Variants in GK5 observed in about 807,000 individuals in gnomAD.
GK5 encodes the protein glycerol kinase 5.
In GK5, 39 loss-of-function variants were observed where a neutral mutation model predicts 77.3. That is an observed-to-expected ratio of 0.50 (90% confidence interval 0.39 to 0.66). The LOEUF (loss-of-function observed/expected upper bound fraction) is 0.66, where lower values mean the gene tolerates loss of function less well. Ranked by LOEUF, GK5 falls within the 30% of genes least tolerant of loss-of-function variation. GK5 has a pLI of 0.00. For missense variants in GK5, 487 were observed against 633.8 expected (o/e 0.77, Z 2.49); for synonymous variants, 211 against 208.0 (o/e 1.01, Z -0.13).
rs1292836253 is a variant in GK5, at chr3:142,163,046, T to C, written c.*2576A>G. On this transcript the variant is annotated 3_prime_UTR_variant, in exon 16 of 16. Coordinates refer to ENST00000392993, the MANE Select transcript of GK5 (RefSeq NM_001039547.3). Reference sequence around the variant, plus strand: ...CAATTTTGTTGCTCAATTGATCTTATCAACTGTTTCTGCAACCACAAAAGC... The same window carrying C: ...CAATTTTGTTGCTCAATTGATCTTACCAACTGTTTCTGCAACCACAAAAGC... 1.3e-5 allele frequency: 2 copies of C among 151,110 alleles called. No homozygotes were observed. Among genetic ancestry groups the C allele is most frequent in the Admixed American group, 1.3e-4 (2 of 15,164 alleles). The allele number at this position is 151,110 out of a possible 1,614,324, so 9.4% of individuals were successfully genotyped here.
At chr3:142,197,182 G>A (rs914176714) in intron 5 of GK5, among the ~76,000 whole-genome samples, 3 of 151,362 alleles carry the variant, frequency 2.0e-5, no homozygotes, top group Admixed American at 6.6e-5. Context: ...GTGAGACTCC[G>A]TCTCAAAAAA....
In GK5 at chr3:142,181,581, A is replaced by G; in HGVS notation, c.944-16T>C. 6.6e-7 allele frequency: 1 copy of G among 1,517,298 alleles called. No individual in the cohort carries two copies. Among genetic ancestry groups the G allele is most frequent in the Non-Finnish European group, 9.1e-7 (1 of 1,095,498 alleles). 94.0% of individuals were successfully genotyped at this position (1,517,298 alleles called of 1,614,324 possible). ...GGATAAAAGCCTTGCAAAACAAACA[A>G]CGAATGTTAAGTCAAATATATGCAT... On this transcript the variant is annotated splice_polypyrimidine_tract_variant and intron_variant, in intron 10 of 15. Coordinates refer to ENST00000392993, the MANE Select transcript of GK5 (RefSeq NM_001039547.3).
intron 3 of GK5, among the ~76,000 whole-genome samples, chr3:142,210,670 T>C (rs568846544): frequency 5.9e-5 from 9 of 152,284 alleles, no homozygotes; most frequent in East Asian, 5.8e-4. Context: ...TCACAATGAA[T>C]TGCTTTAGGA....
chr3:142,211,840 G>A (rs1193890826), intron 3 of GK5, among the ~76,000 whole-genome samples: 2 of 152,120 alleles, frequency 1.3e-5, no homozygotes, highest in Non-Finnish European at 2.9e-5. Context: ...GATGTGCTAT[G>A]CCTCAGTCCA....
chr3:142,194,067 T>C (rs1478798878), intron 5 of GK5, among the ~76,000 whole-genome samples: 1 of 152,124 alleles, frequency 6.6e-6, no homozygotes, highest in East Asian at 1.9e-4. Context: ...TTTCACTTTC[T>C]AGTGTTCATT....
At chr3:142,208,558 T>G (rs1411640426) in intron 3 of GK5, among the ~76,000 whole-genome samples, 1 of 152,260 alleles carries the variant, frequency 6.6e-6, no homozygotes, top group East Asian at 1.9e-4. Flanking sequence ...ATTCTTGTTC[T>G]GCTGGCTGGT....
chr3:142,194,826 T>G (rs1333410173), intron 5 of GK5, among the ~76,000 whole-genome samples: 1 of 150,966 alleles, frequency 6.6e-6, no homozygotes, highest in Admixed American at 6.7e-5. Flanking sequence ...ATCATAGAGA[T>G]AGTTTTACTC....
intron 1 of GK5, among the ~76,000 whole-genome samples, chr3:142,221,781 T>G (rs1462174692): frequency 6.6e-6 from 1 of 152,136 alleles, no homozygotes; most frequent in African/African-American, 2.4e-5. Context: ...GTAGTTAATT[T>G]GTATATTTAA....
At chr3:142,177,443 A>T in intron 12 of GK5, 39 bp downstream of exon 12, 1 of 1,203,872 alleles carries the variant, frequency 8.3e-7, no homozygotes, top group Non-Finnish European at 1.2e-6. Flanking sequence ...AGGAGGAGAA[A>T]AATATTTGTG....
intron 9 of GK5, among the ~76,000 whole-genome samples, chr3:142,183,791 G>A (rs1010699112): frequency 2.6e-5 from 4 of 151,660 alleles, no homozygotes; most frequent in Admixed American, 2.6e-4. Flanking sequence ...TAGAGATGGG[G>A]TTTCACTCTA....
chr3:142,213,323 T>C (rs1312022598), intron 3 of GK5, among the ~76,000 whole-genome samples: 1 of 152,206 alleles, frequency 6.6e-6, no homozygotes, highest in Non-Finnish European at 1.5e-5. Context: ...AGTTAAGTCT[T>C]TTTGTGGTAT....
chr3:142,167,067 A>C (rs1350238923), intron 15 of GK5, among the ~76,000 whole-genome samples: 1 of 152,156 alleles, frequency 6.6e-6, no homozygotes, highest in Admixed American at 6.5e-5. Context: ...ATTTTAGACC[A>C]TCTATGTTTA....
chr3:142,187,174 T>C (rs186922963), intron 6 of GK5, among the ~76,000 whole-genome samples: 26 of 152,322 alleles, frequency 1.7e-4, no homozygotes, highest in Admixed American at 1.0e-3. Flanking sequence ...CAGTCTTATA[T>C]TGAAGTTTCA....
chr3:142,181,681 C>T, intron 10 of GK5, 116 bp from the exon 11 acceptor site: 1 of 654,836 alleles, frequency 1.5e-6, no homozygotes, highest in Non-Finnish European at 2.6e-6. Context: ...TGAAGTCAGA[C>T]TGTGGACGTT....
At chr3:142,170,254 T>G (rs2063519998) in intron 15 of GK5, 71 bp downstream of exon 15, 1 of 1,503,522 alleles carries the variant, frequency 6.7e-7, no homozygotes. Flanking sequence ...TTTTGTAATT[T>G]GAGAGGAGAA....
chr3:142,215,367 A>C (rs2064259081), intron 2 of GK5, among the ~76,000 whole-genome samples: 1 of 152,234 alleles, frequency 6.6e-6, no homozygotes, highest in Non-Finnish European at 1.5e-5. Context: ...GCGAGCATTT[A>C]TATTACAGTC....
chr3:142,167,871 G>A (rs887897110), intron 15 of GK5, among the ~76,000 whole-genome samples: 2 of 152,204 alleles, frequency 1.3e-5, no homozygotes, highest in African/African-American at 4.8e-5. Context: ...AATTAGCTGG[G>A]CATGGTGGCG....
chr3:142,204,024 T>C (rs777728198), intron 4 of GK5, among the ~76,000 whole-genome samples: 67 of 152,126 alleles, frequency 4.4e-4, no homozygotes, highest in Non-Finnish European at 5.9e-5. Context: ...CATAATTTGG[T>C]ATTGTTGGCT....
chr3:142,206,246 T>A (rs1483003887), intron 3 of GK5, among the ~76,000 whole-genome samples: 2 of 152,160 alleles, frequency 1.3e-5, no homozygotes, highest in African/African-American at 2.4e-5. Flanking sequence ...TCTGTTTGAG[T>A]CTTTGTTTTC....
Sources: gnomAD v4.1 joint callset for allele counts (sites outside exome capture counted in the v4.1 genomes callset) on GRCh38, gnomAD v4.1.1 for gene constraint, MANE v1.5 for transcripts, NCBI Gene and HGNC (gene_info 2026-07-23, HGNC 2026-07-21) for gene names.